SLC25A45: variants seen among roughly 807,000 people sequenced by gnomAD.
SLC25A45 encodes the protein methylated amino-acid transporter SLC25A45.
A neutral mutation model predicts 23.0 loss-of-function variants in SLC25A45; 22 were observed. The ratio of observed to expected loss-of-function variants is 0.95; its 90% confidence interval spans 0.68 to 1.36. SLC25A45 has a LOEUF of 1.36. SLC25A45 is among the 40% of genes most tolerant of loss of function. SLC25A45 has a pLI of 0.00. For synonymous variants in SLC25A45, 136 were observed against 155.0 expected, an observed-to-expected ratio of 0.88 and a Z score of 0.91; for missense variants, 355 against 383.5, an observed-to-expected ratio of 0.93 and a Z score of 0.62.
intron 2 of SLC25A45, chr11:65,381,678 C>A (rs1855566506): frequency 2.0e-6 from 1 of 496,786 alleles, no homozygotes; most frequent in Admixed American, 3.0e-5. Flanking sequence ...AGCAATCCTC[C>A]TAAGTAGCTG....
chr11:65,381,122 C>T (rs1244278625), intron 2 of SLC25A45: 1 of 153,128 alleles, frequency 6.5e-6, no homozygotes. Context: ...CTGGGGTGCT[C>T]CACGGAACCC....
At position 65,379,873 on chromosome 11, in the gene SLC25A45, A is replaced by G. The variant is rs1434685002; in HGVS notation, c.147T>C (p.His49=). The part of the protein sequence containing the change: ...IVDCMVKIYR[H]ESLLGFFKGM... ...AAAGGAGTGGGCCACTCACGGACTC[A>G]TGGCGGTAAATCTTGACCATGCAAT... Residue 49 remains histidine, a synonymous_variant, in exon 4 of 7, where the codon CAT becomes CAC. Transcript: ENST00000398802. 1 of 1,614,090 alleles carries G rather than the reference A, an allele frequency of 6.2e-7. No individual in the cohort carries two copies. The highest frequency in any genetic ancestry group is 8.5e-7 in the Non-Finnish European group (1 of 1,180,036).
In SLC25A45 at chr11:65,382,395, C is replaced by T. The variant is rs905527870; in HGVS notation, c.-19+91G>A. On this transcript the variant is annotated intron_variant, in intron 1 of 6. Transcript: ENST00000398802. This position sits in a 1 kb window ranked among gnomAD's most constrained non-coding sequence, Gnocchi z 4.4. ...CCATGCCACAGAGAGAGGCCGGGTG[C>T]GGAGGTAGCGTGGCCACCAGGGGGT... is the stretch of plus-strand genomic sequence containing the variant. 3.4e-5 allele frequency: 7 copies of T among 205,316 alleles called. No individual in the cohort carries two copies. Among genetic ancestry groups the T allele is most frequent in the Non-Finnish European group, 5.1e-5 (5 of 97,306 alleles). 12.7% of individuals were successfully genotyped at this position (205,316 alleles called of 1,614,324 possible).
chr11:65,380,508 T>C (rs1200984745), intron 2 of SLC25A45: 2 of 1,384,938 alleles, frequency 1.4e-6, no homozygotes, highest in East Asian at 3.6e-5. Flanking sequence ...GCCGCGGGAC[T>C]CTGGGAGAAT....
At chr11:65,382,988 C>G (rs1412259563), upstream of SLC25A45, 1 of 152,320 alleles carries the variant, frequency 6.6e-6, no homozygotes, top group Non-Finnish European at 1.5e-5. This position sits in a 1 kb window ranked among gnomAD's most constrained non-coding sequence, Gnocchi z 4.4. Context: ...GGACAGGGAT[C>G]TCTGGGTGTT....
At chr11:65,380,318 C>T (rs1855481869) in intron 2 of SLC25A45, 143 bp from the exon 3 acceptor site, 1 of 1,226,506 alleles carries the variant, frequency 8.2e-7, no homozygotes, top group South Asian at 1.4e-5. Context: ...TCCTGCCAAG[C>T]TCTAGAGACT....
At chr11:65,380,477 C>T (rs1351450071) in intron 2 of SLC25A45, 24 of 1,323,050 alleles carry the variant, frequency 1.8e-5, no homozygotes, top group East Asian at 8.9e-5. Flanking sequence ...AGCCCATACC[C>T]GGGTATCCCA....
At chr11:65,380,067 C>T (rs1832768595) in intron 3 of SLC25A45, 65 bp downstream of exon 3, 2 of 1,587,910 alleles carry the variant, frequency 1.3e-6, no homozygotes, top group African/African-American at 2.7e-5. Context: ...GGCCTGATCT[C>T]AGGGCACCCT....
Position 65,376,209 on chromosome 11 carries a change from C to CA in SLC25A45, c.*197dup. The CA allele has an allele frequency of 1.6e-6, 1 of 641,216 alleles. No individual in the cohort carries two copies. Among genetic ancestry groups the CA allele is most frequent in the East Asian group, 2.8e-5 (1 of 36,254 alleles). The allele number at this position is 641,216 out of a possible 1,614,324, so 39.7% of individuals were successfully genotyped here. A position where few individuals can be genotyped will look rare whatever the true frequency, so the allele number is the denominator to read the frequency against. ...GGCAAAGGAGTCAAGGCCAGCTACACAGGGAGGCTGCACAGGCCCCCTGGC... is the reference window on the plus strand; with the variant it reads ...GGCAAAGGAGTCAAGGCCAGCTACACAAGGGAGGCTGCACAGGCCCCCTGGC... On this transcript the variant is annotated 3_prime_UTR_variant, in exon 7 of 7. Coordinates refer to ENST00000398802, the MANE Select transcript of SLC25A45 (RefSeq NM_182556.4).
At chr11:65,383,443 G>C (rs1855665146), upstream of SLC25A45, 1 of 152,358 alleles carries the variant, frequency 6.6e-6, no homozygotes, top group African/African-American at 2.4e-5. Flanking sequence ...TCTTATTCCT[G>C]AAACTGCCTT....
chr11:65,377,717 G>C (rs1415594589), intron 5 of SLC25A45: 1 of 152,960 alleles, frequency 6.5e-6, no homozygotes, highest in Non-Finnish European at 1.5e-5. Flanking sequence ...ACAGATTTGG[G>C]ATGGAATTGG....
At position 65,382,230 on chromosome 11, in the gene SLC25A45, C is replaced by T. The variant is rs924082663; in HGVS notation, c.-19+256G>A. 1.9e-5 allele frequency: 10 copies of T among 521,174 alleles called. No homozygotes were observed. The highest frequency in any genetic ancestry group is 9.5e-5 in the Admixed American group (3 of 31,658). The allele number at this position is 521,174 out of a possible 1,614,324, so 32.3% of individuals were successfully genotyped here. On this transcript the variant is annotated intron_variant, in intron 1 of 6. Transcript: ENST00000398802. This position sits in a 1 kb window ranked among gnomAD's most constrained non-coding sequence, Gnocchi z 4.4. ...ATCCCCGAGCCCGGCCAATGATCCT[C>T]GCTCTGAGGATGGCAACTGGGTTCC...
At chr11:65,376,758 G>A (rs1409395166) in intron 6 of SLC25A45, 60 bp downstream of exon 6, 23 of 1,613,876 alleles carry the variant, frequency 1.4e-5, no homozygotes, top group Admixed American at 8.3e-5. Flanking sequence ...CCCAGTCCCC[G>A]CTGGACCCTG....
chr11:65,379,506 T>C lies in SLC25A45; in HGVS notation c.209A>G (p.Asn70Ser), dbSNP rs1254840861. The C allele has an allele frequency of 6.2e-7, 1 of 1,613,502 alleles. No homozygotes were observed. Among genetic ancestry groups the C allele is most frequent in the Admixed American group, 1.7e-5 (1 of 59,974 alleles). The change falls in exon 5 of 7, where the codon AAC becomes AGC. Residue 70 changes from asparagine to serine, a missense_variant. Asn to Ser is a conservative substitution (Grantham distance 46). Coordinates refer to ENST00000398802, the MANE Select transcript of SLC25A45 (RefSeq NM_182556.4). ...SFPIASIAVV[N>S]SVLFGVYSNT... ...GCTATAGACCCCAAACAGGACAGAG[T>C]TGACCACAGCTATGCTGGCAATGGG...
rs771856566 is a variant in SLC25A45 at position 65,379,427 on chromosome 11, C to A, written c.288G>T (p.Pro96=). The A allele has an allele frequency of 1.2e-5, 19 of 1,612,854 alleles. No homozygotes were observed. In the South Asian group the frequency reaches 2.1e-4, roughly 18 times the overall value. Residue 96 remains proline (P), a synonymous_variant, in exon 5 of 7, where the codon CCG becomes CCT. Transcript: ENST00000398802. The part of the protein sequence containing the change: ...ATSHQERRAQ[P]PSYMHIFLAG... ...CTAGGAAGATGTGCATGTAGCTGGG[C>A]GGCTGGGCCCGCCGCTCCTGGTGGG...
rs760550050 is a variant in SLC25A45, at chr11:65,376,434, G to A, written c.840C>T (p.Tyr280=). ...ATCCCCACCAGCGGAGGAGATATTC[G>A]TAGCTGAGGAAGGTGACAGCATTGA... ...FPVNAVTFLS[Y]EYLLRWWG is the part of the protein sequence containing the mutation. The change falls in exon 7 of 7, where the codon TAC becomes TAT. Residue 280 remains tyrosine, a synonymous_variant. Transcript: ENST00000398802. 1.2e-5 allele frequency: 19 copies of A among 1,613,922 alleles called. No homozygotes were observed. Among genetic ancestry groups the A allele is most frequent in the Middle Eastern group, 1.6e-4 (1 of 6,084 alleles).
rs963774604 is a variant in SLC25A45 at position 65,375,674 on chromosome 11, A to C, written c.*733T>G. On this transcript the variant is annotated 3_prime_UTR_variant, in exon 7 of 7. Coordinates refer to ENST00000398802, the MANE Select transcript of SLC25A45 (RefSeq NM_182556.4). ...ACTGAAGGATTCTGGGGGAGGAGAC[A>C]TAGGGTTATCCTGGGTCATGGGGGA... 1 of 152,368 alleles carries C rather than the reference A, an allele frequency of 6.6e-6. No homozygotes were observed. Among genetic ancestry groups the C allele is most frequent in the Non-Finnish European group, 1.5e-5 (1 of 68,188 alleles). 9.4% of individuals were successfully genotyped at this position (152,368 alleles called of 1,614,324 possible).
At chr11:65,382,753 G>A (rs1288984820), upstream of SLC25A45, 1 of 152,374 alleles carries the variant, frequency 6.6e-6, no homozygotes, top group African/African-American at 2.4e-5. The surrounding 1 kb of genome is among the most constrained non-coding windows in gnomAD (Gnocchi z 4.4). Flanking sequence ...GCAGCCACCC[G>A]AGCCTCCAGA....
Position 65,376,307 on chromosome 11 carries a change from G to A in SLC25A45, c.*100C>T. 1 of 1,416,526 alleles carries A rather than the reference G, an allele frequency of 7.1e-7. No individual in the cohort carries two copies. Among genetic ancestry groups the A allele is most frequent in the South Asian group, 1.3e-5 (1 of 74,762 alleles). 87.7% of individuals were successfully genotyped at this position (1,416,526 alleles called of 1,614,324 possible). On this transcript the variant is annotated 3_prime_UTR_variant, in exon 7 of 7. Transcript: ENST00000398802. Reference sequence around the variant, plus strand: ...AGGCACCTTGGTTAGGAAGGGCTGAGCCTCTTGCACTGATTTGCAAGCTTT... The same window carrying A: ...AGGCACCTTGGTTAGGAAGGGCTGAACCTCTTGCACTGATTTGCAAGCTTT...
Sources: allele counts gnomAD v4.1 joint callset, GRCh38; gene constraint gnomAD v4.1.1; non-coding constraint Gnocchi (gnomAD v3.1); transcripts MANE v1.5; gene names NCBI Gene and HGNC (gene_info 2026-07-23, HGNC 2026-07-21).